SPRR2G: variants seen among roughly 807,000 people sequenced by gnomAD.
SPRR2G encodes the protein small proline-rich protein 2G.
Under a neutral mutation model 0.7 loss-of-function variants are expected in SPRR2G, and 1 was observed. That is an observed-to-expected ratio of 1.49 (90% CI 0.53 to 7.06). The LOEUF (loss-of-function observed/expected upper bound fraction) is 7.06. Among genes scored for constraint, SPRR2G ranks in the 30% most tolerant of loss-of-function variants. The probability of loss-of-function intolerance (pLI) is 0.14; values close to 1 mark genes in which losing one functional copy is unlikely to be tolerated. For synonymous variants in SPRR2G, 38 were observed against 33.9 expected (o/e 1.12, Z -0.42); for missense variants, 96 against 88.5 (o/e 1.09, Z -0.34).
upstream of SPRR2G, among the ~76,000 whole-genome samples, chr1:153,155,561 C>A (rs1656565461): frequency 6.6e-6 from 1 of 152,158 alleles, no homozygotes; most frequent in African/African-American, 2.4e-5. Context: ...TTAAATCCAT[C>A]TTTCCATTGC....
Position 153,150,657 on chromosome 1 carries a change from T to C in SPRR2G, c.-22+195A>G, listed in dbSNP as rs1656448340. ...CACTCTCCTTCAGTTTAAGATTTTA[T>C]ATATTTGACTCCAGGTTCCTCATCA... On this transcript the variant is annotated intron_variant, in intron 1 of 1. Coordinates refer to ENST00000368748, the MANE Select transcript of SPRR2G (RefSeq NM_001014291.4). 2.6e-5 allele frequency among the ~76,000 whole-genome samples: 4 copies of C among 152,232 alleles called. No homozygotes were observed. The South Asian group carries it at 8.3e-4, about 31-fold the overall frequency.
At position 153,149,969 on chromosome 1, in the gene SPRR2G, G is replaced by C. The variant is rs747936590; in HGVS notation, c.142C>G (p.Pro48Ala). 3 of 1,614,128 alleles carry C rather than the reference G, an allele frequency of 1.9e-6. No individual in the cohort carries two copies. Among genetic ancestry groups the C allele is most frequent in the Non-Finnish European group, 1.7e-6 (2 of 1,180,032 alleles). Residue 48 changes from proline to alanine, a missense_variant, in exon 2 of 2, where the codon CCT becomes GCT. Pro to Ala is a conservative substitution (Grantham distance 27). Transcript: ENST00000368748. ...GGGCATTTATCCTGGCATGGTGGAG[G>C]TGGGCAATGCTCAGGTGGACAAGGA... ...PPPCPPEHCP[P>A]PPCQDKCPPV...
chr1:153,199,898 T>C, the SPRR2G span, among the ~76,000 whole-genome samples: 1 of 152,142 alleles, frequency 6.6e-6, no homozygotes, highest in African/African-American at 2.4e-5. Context: ...AGTTGCTTTC[T>C]GACCATCATG....
the SPRR2G span, among the ~76,000 whole-genome samples, chr1:153,170,771 G>A: frequency 6.6e-6 from 1 of 152,106 alleles, no homozygotes; most frequent in Non-Finnish European, 1.5e-5. Flanking sequence ...CCCACTCAAA[G>A]GTCCTACCTC....
the SPRR2G span, among the ~76,000 whole-genome samples, chr1:153,195,529 T>C: frequency 1.3e-5 from 2 of 151,998 alleles, no homozygotes; most frequent in Admixed American, 1.3e-4. Flanking sequence ...AAGTATGGAG[T>C]TTTCCTTCCT....
At chr1:153,178,987 G>A in the SPRR2G span, among the ~76,000 whole-genome samples, 1 of 152,162 alleles carries the variant, frequency 6.6e-6, no homozygotes, top group Non-Finnish European at 1.5e-5. Flanking sequence ...GGTACAATGA[G>A]AGGAACAGAA....
upstream of SPRR2G, among the ~76,000 whole-genome samples, chr1:153,153,257 A>G (rs1656510419): frequency 1.3e-5 from 2 of 152,134 alleles, no homozygotes; most frequent in South Asian, 2.1e-4. Flanking sequence ...AAGTGTTTAA[A>G]TATTTAAATG....
the SPRR2G span, among the ~76,000 whole-genome samples, chr1:153,183,575 T>C: frequency 6.6e-6 from 1 of 152,210 alleles, no homozygotes; most frequent in Non-Finnish European, 1.5e-5. Context: ...TGTTTGTTTT[T>C]TTCTTGTAAA....
chr1:153,176,096 T>C, the SPRR2G span: 2 of 152,138 alleles, frequency 1.3e-5, no homozygotes, highest in Non-Finnish European at 2.9e-5. Context: ...GTCCGGTTCA[T>C]TTCTCTTTCC....
At chr1:153,169,918 C>G in the SPRR2G span, among the ~76,000 whole-genome samples, 4 of 152,218 alleles carry the variant, frequency 2.6e-5, no homozygotes, top group Non-Finnish European at 5.9e-5. Context: ...GAATGGCTGC[C>G]TTGCAGACTG....
chr1:153,156,713 G>C, the SPRR2G span, among the ~76,000 whole-genome samples: 1 of 152,020 alleles, frequency 6.6e-6, no homozygotes, highest in South Asian at 2.1e-4. Flanking sequence ...AGCCTAGACA[G>C]AGTCATACTA....
At chr1:153,181,978 G>GT in the SPRR2G span, among the ~76,000 whole-genome samples, 4 of 151,970 alleles carry the variant, frequency 2.6e-5, no homozygotes, top group African/African-American at 9.7e-5. Context: ...TCTATTTTTA[G>GT]TTATTTCAGA....
chr1:153,199,239 C>T, the SPRR2G span, among the ~76,000 whole-genome samples: 1 of 152,118 alleles, frequency 6.6e-6, no homozygotes, highest in Non-Finnish European at 1.5e-5. Context: ...ACTGGCTGTC[C>T]AGGTGGTCTA....
the SPRR2G span, among the ~76,000 whole-genome samples, chr1:153,181,077 G>T: frequency 2.0e-5 from 3 of 151,590 alleles, no homozygotes; most frequent in African/African-American, 7.3e-5. Flanking sequence ...CTGTGGCTTG[G>T]CATTTTGCAA....
chr1:153,181,810 G>T, the SPRR2G span, among the ~76,000 whole-genome samples: 92 of 151,142 alleles, frequency 6.1e-4, no homozygotes, highest in Non-Finnish European at 1.0e-4. Flanking sequence ...TATTTTCTTT[G>T]TGCATTCATC....
At chr1:153,162,399 T>C in the SPRR2G span, among the ~76,000 whole-genome samples, 76,432 of 152,074 alleles carry the variant, frequency 0.5, 19,673 homozygotes, top group Non-Finnish European at 0.57. Context: ...CAGGAATGCA[T>C]GTCCTCTGTT....
chr1:153,195,532 T>C, the SPRR2G span, among the ~76,000 whole-genome samples: 8,088 of 152,242 alleles, frequency 0.053, 635 homozygotes, highest in East Asian at 0.22. Flanking sequence ...TATGGAGTTT[T>C]CCTTCCTTAG....
the SPRR2G span, among the ~76,000 whole-genome samples, chr1:153,175,558 G>A: frequency 6.6e-6 from 1 of 152,150 alleles, no homozygotes; most frequent in Non-Finnish European, 1.5e-5. Flanking sequence ...TCCATACAAG[G>A]TTCAGGCAAA....
chr1:153,161,352 T>C, the SPRR2G span, among the ~76,000 whole-genome samples: 2 of 111,632 alleles, frequency 1.8e-5, no homozygotes, highest in Admixed American at 1.8e-4. Context: ...CATATACATG[T>C]TGGCCATTTG....
Sources: gnomAD v4.1 joint callset for allele counts (sites outside exome capture counted in the v4.1 genomes callset) on GRCh38, gnomAD v4.1.1 for gene constraint, MANE v1.5 for transcripts, NCBI Gene and HGNC (gene_info 2026-07-23, HGNC 2026-07-21) for gene names.